Variants in MSH3 observed in about 807,000 individuals in gnomAD.
The protein encoded by MSH3 is mutS homolog 3, also known as DNA mismatch repair protein Msh3.
Under a neutral mutation model 123.3 loss-of-function variants are expected in MSH3, and 106 were observed. That is an observed-to-expected ratio of 0.86 (90% CI 0.73 to 1.01). The LOEUF is 1.01. MSH3 is among the 50% of genes least tolerant of loss of function. The pLI is 0.00. For missense variants in MSH3, 1,459 were observed against 1,347.6 expected, an observed-to-expected ratio of 1.08 and a Z score of -1.29; for synonymous variants, 515 against 481.4, an observed-to-expected ratio of 1.07 and a Z score of -0.91.
At chr5:80,702,660 A>G (rs554124271) in intron 8 of MSH3, among the ~76,000 whole-genome samples, 2 of 152,180 alleles carry the variant, frequency 1.3e-5, no homozygotes, top group South Asian at 2.1e-4. Flanking sequence ...GATTTGGGGG[A>G]AAATACATTC....
chr5:80,833,676 C>T lies in MSH3; in HGVS notation c.2813+19935C>T, dbSNP rs56011150. On this transcript the variant is annotated intron_variant, in intron 20 of 23. Transcript: ENST00000265081. The stretch of plus-strand genomic sequence containing the variant: ...CAGGATGGTCTCGATCACTTGACCT[C>T]ATGATCCGCCCACGTCAGCCTCCCA... Among the ~76,000 whole-genome samples the T allele has an allele frequency of 3.7e-4, 56 of 152,294 alleles. 1 individual carries two copies. The highest frequency in any genetic ancestry group is 2.1e-4 in the Non-Finnish European group (14 of 68,024).
At chr5:80,850,759 A>G (rs1211951986) in intron 20 of MSH3, among the ~76,000 whole-genome samples, 1 of 152,158 alleles carries the variant, frequency 6.6e-6, no homozygotes, top group African/African-American at 2.4e-5. Flanking sequence ...TCACCAGTGA[A>G]TTGTATTTTT....
intron 17 of MSH3, among the ~76,000 whole-genome samples, chr5:80,782,557 AG>A (rs959611451): frequency 6.6e-6 from 1 of 152,222 alleles, no homozygotes; most frequent in African/African-American, 2.4e-5. Flanking sequence ...AGGGGGTCCT[AG>A]AACCAATCCC....
intron 20 of MSH3, 112 bp from the exon 21 acceptor site, chr5:80,854,018 C>G (rs1745874028): frequency 1.1e-6 from 1 of 919,292 alleles, no homozygotes; most frequent in Non-Finnish European, 1.7e-6. Flanking sequence ...ATTATTGGCT[C>G]AAAATATATA....
At chr5:80,860,341 A>G (rs1004442401) in intron 21 of MSH3, among the ~76,000 whole-genome samples, 2 of 152,100 alleles carry the variant, frequency 1.3e-5, no homozygotes, top group African/African-American at 2.4e-5. Flanking sequence ...TCTGCTGGCT[A>G]CAAATCCTCA....
At position 80,803,542 on chromosome 5, in the gene MSH3, T is replaced by C. The variant is rs6453524; in HGVS notation, c.2656-10042T>C. 4.9e-3 allele frequency among the ~76,000 whole-genome samples: 708 copies of C among 145,828 alleles called. 29 individuals are homozygous for C. Among genetic ancestry groups the C allele is most frequent in the African/African-American group, 0.017 (679 of 40,162 alleles). Reference sequence around the variant, plus strand: ...TGGGTTGTCTCTTCACTTTGTTGATTGTTTCTTTTGCTGTGCAGATTTTTA... The same window carrying C: ...TGGGTTGTCTCTTCACTTTGTTGATCGTTTCTTTTGCTGTGCAGATTTTTA... On this transcript the variant is annotated intron_variant, in intron 19 of 23. Coordinates refer to ENST00000265081, the MANE Select transcript of MSH3 (RefSeq NM_002439.5).
chr5:80,687,834 A>G (rs546965906), intron 8 of MSH3, among the ~76,000 whole-genome samples: 88 of 152,262 alleles, frequency 5.8e-4, no homozygotes, highest in African/African-American at 1.9e-3. Context: ...CCTAGATGGG[A>G]CAGTTGAATT....
At chr5:80,793,085 A>G (rs1300100157) in intron 19 of MSH3, among the ~76,000 whole-genome samples, 1 of 152,246 alleles carries the variant, frequency 6.6e-6, no homozygotes, top group Admixed American at 6.5e-5. Context: ...TAACCCAATA[A>G]AAATATTTTA....
At chr5:80,663,551 G>T (rs886246237) in intron 2 of MSH3, among the ~76,000 whole-genome samples, 8 of 142,594 alleles carry the variant, frequency 5.6e-5, no homozygotes, top group Non-Finnish European at 1.1e-4. Context: ...ATTCCAGGCA[G>T]TTTTTTTTTA....
intron 13 of MSH3, among the ~76,000 whole-genome samples, chr5:80,763,318 C>G (rs770094989): frequency 1.3e-5 from 2 of 152,184 alleles, no homozygotes; most frequent in East Asian, 3.8e-4. Flanking sequence ...AATTTGAAAA[C>G]AATGCACAAG....
chr5:80,801,840 A>G (rs563156766), intron 19 of MSH3, among the ~76,000 whole-genome samples: 1 of 152,152 alleles, frequency 6.6e-6, no homozygotes, highest in Non-Finnish European at 1.5e-5. Context: ...AAGCCTAGAG[A>G]GGTGTATTGG....
chr5:80,665,780 T>G (rs1265609309), intron 3 of MSH3, among the ~76,000 whole-genome samples: 1 of 152,218 alleles, frequency 6.6e-6, no homozygotes, highest in Non-Finnish European at 1.5e-5. Context: ...GAAAGTAAAT[T>G]CAAATGTAAG....
chr5:80,788,802 CAAAAA>C (rs199590090), intron 18 of MSH3, among the ~76,000 whole-genome samples: 2 of 90,116 alleles, frequency 2.2e-5, no homozygotes, highest in African/African-American at 7.9e-5. Context: ...GAGCCTGTCT[CAAAAA>C]AAAAAAAAAA....
chr5:80,757,638 T>C (rs1207277063), intron 12 of MSH3, among the ~76,000 whole-genome samples: 2 of 152,186 alleles, frequency 1.3e-5, no homozygotes, highest in African/African-American at 4.8e-5. Flanking sequence ...TTTCAGTTAA[T>C]TTAAGTTGTA....
At chr5:80,679,744 A>T (rs908465444) in intron 8 of MSH3, among the ~76,000 whole-genome samples, 3 of 152,208 alleles carry the variant, frequency 2.0e-5, no homozygotes, top group African/African-American at 7.2e-5. Flanking sequence ...CATGAGAGTC[A>T]GATGTGTGCA....
chr5:80,869,662 G>A (rs1025909684), intron 22 of MSH3, among the ~76,000 whole-genome samples: 2 of 151,618 alleles, frequency 1.3e-5, no homozygotes, highest in Admixed American at 6.6e-5. Flanking sequence ...TGTTAACAAG[G>A]TATTCAGAGC....
chr5:80,802,264 T>C (rs907917596), intron 19 of MSH3, among the ~76,000 whole-genome samples: 5 of 152,112 alleles, frequency 3.3e-5, no homozygotes, highest in Admixed American at 2.0e-4. Context: ...TATTTTCCTA[T>C]ATTCTTAAAA....
intron 8 of MSH3, among the ~76,000 whole-genome samples, chr5:80,691,234 A>C (rs1445066204): frequency 6.6e-6 from 1 of 152,062 alleles, no homozygotes; most frequent in Non-Finnish European, 1.5e-5. Flanking sequence ...AAGTAATAAG[A>C]ATTCAGCAAT....
intron 10 of MSH3, among the ~76,000 whole-genome samples, chr5:80,732,648 GA>G (rs1352394164): frequency 6.6e-6 from 1 of 152,036 alleles, no homozygotes; most frequent in Non-Finnish European, 1.5e-5. Context: ...AATCCTCAAT[GA>G]AATATAAGTA....
Sources: gnomAD v4.1 joint callset for allele counts (sites outside exome capture counted in the v4.1 genomes callset) on GRCh38, gnomAD v4.1.1 for gene constraint, MANE v1.5 for transcripts, NCBI Gene and HGNC (gene_info 2026-07-23, HGNC 2026-07-21) for gene names.